Variants in SERPING1 observed in about 807,000 individuals in gnomAD.
SERPING1 encodes serpin family G member 1.
Under a neutral mutation model 34.1 loss-of-function variants are expected in SERPING1, and 5 were observed. The ratio of observed to expected loss-of-function variants is 0.15; its 90% CI spans 0.08 to 0.31. The LOEUF (loss-of-function observed/expected upper bound fraction) is 0.31. Among genes scored for constraint, SERPING1 ranks in the 10% least tolerant of loss-of-function variants. The pLI is 1.00. For synonymous variants in SERPING1, 225 were observed against 242.4 expected (o/e 0.93, Z 0.67); for missense variants, 505 against 609.5 (o/e 0.83, Z 1.81).
chr11:57,602,292 T>G (rs767641287), intron 4 of SERPING1, 123 bp downstream of exon 4: 25 of 1,185,400 alleles, frequency 2.1e-5, no homozygotes, highest in Non-Finnish European at 3.0e-5. Context: ...AGGGATGGAC[T>G]GCAGAGCAGG....
At position 57,600,239 on chromosome 11, in the gene SERPING1, A is replaced by C. The variant is rs574615885; in HGVS notation, c.412A>C (p.Thr138Pro). The C allele has an allele frequency of 1.2e-6, 2 of 1,614,118 alleles. No individual in the cohort carries two copies. Among genetic ancestry groups the C allele is most frequent in the South Asian group, 2.2e-5 (2 of 91,082 alleles). Residue 138 changes from threonine (T) to proline (P), a missense_variant, in exon 3 of 8, where the codon ACA becomes CCA. By Grantham distance (38) the Thr-to-Pro change is conservative (BLOSUM62 -1). Coordinates refer to ENST00000278407, the MANE Select transcript of SERPING1 (RefSeq NM_000062.3). The stretch of plus-strand genomic sequence containing the variant: ...CTGCTCTGACTTGGAGAGTCATTCA[A>C]CAGAGGCCGTGTTGGGGGATGCTTT... The part of the protein sequence containing the change: ...TLCSDLESHS[T>P]EAVLGDALVD...
At position 57,606,531 on chromosome 11, in the gene SERPING1, A is replaced by G; in HGVS notation, c.1013A>G (p.Gln338Arg). The G allele has an allele frequency of 1.2e-6, 2 of 1,614,202 alleles. No homozygotes were observed. The highest frequency in any genetic ancestry group is 2.2e-5 in the South Asian group (2 of 91,086). ...KKYPVAHFID[Q>R]TLKAKVGQLQ... ...TACCCTGTGGCCCATTTCATTGACC[A>G]AACTTTGAAAGCCAAGGTAAGTTCT... Residue 338 changes from glutamine (Q) to arginine (R), a missense_variant, in exon 6 of 8, where the codon CAA becomes CGA. Transcript: ENST00000278407.
chr11:57,607,862 G>C (rs867490994), intron 6 of SERPING1, among the ~76,000 whole-genome samples: 2 of 152,230 alleles, frequency 1.3e-5, no homozygotes, highest in South Asian at 2.1e-4. Context: ...GTTTCACCAT[G>C]TTAGCCAAGC....
Position 57,606,410 on chromosome 11 carries a change from A to G in SERPING1, c.892A>G (p.Lys298Glu), listed in dbSNP as rs751807853. ...ACCCTCCCACCTCTTCCCTCTAGCC[A>G]AGTGGAAGACAACATTTGATCCCAA... is the stretch of plus-strand genomic sequence containing the variant. ...VLLNAIYLSA[K>E]WKTTFDPKKT... The change falls in exon 6 of 8, where the codon AAG becomes GAG. Residue 298 changes from lysine (K) to glutamate (E), a missense_variant and splice_region_variant. By Grantham distance (56) the Lys-to-Glu change is moderately conservative (BLOSUM62 1). Transcript: ENST00000278407. 6.2e-7 allele frequency: 1 copy of G among 1,614,188 alleles called. No homozygotes were observed. The highest frequency in any genetic ancestry group is 8.5e-7 in the Non-Finnish European group (1 of 1,180,026).
intron 4 of SERPING1, chr11:57,605,582 CTT>C (rs35319364): frequency 0.019 from 2,780 of 149,112 alleles, 1 homozygote; most frequent in South Asian, 0.043. Context: ...CTTTCAAGTG[CTT>C]TTTTTTTTTT....
rs755958167 is a variant in SERPING1 at position 57,599,938 on chromosome 11, G to T, written c.111G>T (p.Leu37Phe). The change falls in exon 3 of 8, where the codon TTG becomes TTT. Residue 37 changes from leucine (L) to phenylalanine (F), a missense_variant. Leu to Phe is a conservative substitution (Grantham distance 22). Transcript: ENST00000278407. ...TSSSSQDPES[L>F]QDRGEGKVAT... is the part of the protein sequence containing the mutation. ...CCAGCTCCCAGGATCCAGAGAGTTT[G>T]CAAGACAGAGGCGAAGGGAAGGTCG... 2 of 1,614,208 alleles carry T rather than the reference G, an allele frequency of 1.2e-6. No homozygotes were observed. The highest frequency in any genetic ancestry group is 1.7e-6 in the Non-Finnish European group (2 of 1,180,042).
In SERPING1 at chr11:57,611,884, C is replaced by T; in HGVS notation, c.1197C>T (p.Pro399=). 9.3e-6 allele frequency: 15 copies of T among 1,614,166 alleles called. No homozygotes were observed. Among genetic ancestry groups the T allele is most frequent in the Non-Finnish European group, 1.3e-5 (15 of 1,180,042 alleles). The change falls in exon 7 of 8, where the codon CCC becomes CCT. Residue 399 remains proline (P), a synonymous_variant. Coordinates refer to ENST00000278407, the MANE Select transcript of SERPING1 (RefSeq NM_000062.3). ...SKFQPTLLTL[P]RIKVTTSQDM... ...TCCAGCCCACTCTCCTAACACTACC[C>T]CGCATCAAAGTGACGACCAGCCAGG... is the stretch of plus-strand genomic sequence containing the variant.
intron 7 of SERPING1, among the ~76,000 whole-genome samples, chr11:57,613,679 A>T (rs746427951): frequency 1.3e-5 from 2 of 152,144 alleles, no homozygotes; most frequent in Non-Finnish European, 1.5e-5. Context: ...ACTTTAGGAG[A>T]AGTCATCATG....
intron 6 of SERPING1, among the ~76,000 whole-genome samples, chr11:57,607,372 C>G (rs964959849): frequency 5.3e-5 from 8 of 152,194 alleles, no homozygotes; most frequent in African/African-American, 1.4e-4. Flanking sequence ...ATTAAAGCAG[C>G]CTCCTCCTCA....
intron 4 of SERPING1, among the ~76,000 whole-genome samples, chr11:57,605,389 C>T (rs974887435): frequency 6.6e-6 from 1 of 151,902 alleles, no homozygotes; most frequent in African/African-American, 2.4e-5. Context: ...ACCTCCGTCT[C>T]CCAGATTCAA....
At chr11:57,601,943 C>T in intron 3 of SERPING1, 92 bp from the exon 4 acceptor site, 1 of 1,391,588 alleles carries the variant, frequency 7.2e-7, no homozygotes, top group Non-Finnish European at 1.0e-6. Flanking sequence ...GCAGGGAATA[C>T]CCTCCATTCC....
intron 6 of SERPING1, among the ~76,000 whole-genome samples, chr11:57,607,926 T>C (rs139095413): frequency 0.011 from 1,669 of 152,334 alleles, 18 homozygotes; most frequent in Non-Finnish European, 0.016. Flanking sequence ...CCCAAAGGGC[T>C]GGGATTACAG....
chr11:57,612,880 G>T (rs1385910739), intron 7 of SERPING1, among the ~76,000 whole-genome samples: 1 of 152,094 alleles, frequency 6.6e-6, no homozygotes, highest in Admixed American at 6.6e-5. Flanking sequence ...AAGTAGCTGG[G>T]ATTACAGGCA....
Position 57,600,023 on chromosome 11 carries a change from C to CCGACAACCAACT in SERPING1, c.198_209dup (p.Thr71_Ser74dup). ...ACCCATCCTGGAGGTTTCCAGCTTG[C>CCGACAACCAACT]CGACAACCAACTCAACAACCAATTC... On this transcript the variant is annotated inframe_insertion, in exon 3 of 8. Coordinates refer to ENST00000278407, the MANE Select transcript of SERPING1 (RefSeq NM_000062.3). 1 of 1,614,116 alleles carries CCGACAACCAACT rather than the reference C, an allele frequency of 6.2e-7. No individual in the cohort carries two copies. Among genetic ancestry groups the CCGACAACCAACT allele is most frequent in the Non-Finnish European group, 8.5e-7 (1 of 1,180,022 alleles).
intron 4 of SERPING1, among the ~76,000 whole-genome samples, chr11:57,602,372 G>C (rs945642645): frequency 1.1e-4 from 17 of 152,248 alleles, no homozygotes; most frequent in African/African-American, 4.1e-4. Flanking sequence ...CCTTAGACAA[G>C]TCTCTGGCAT....
At chr11:57,604,347 A>G (rs1945384740) in intron 4 of SERPING1, among the ~76,000 whole-genome samples, 4 of 152,288 alleles carry the variant, frequency 2.6e-5, no homozygotes, top group Middle Eastern at 3.4e-3. Flanking sequence ...TGATAATACT[A>G]ATAATAAACT....
At chr11:57,601,059 C>T (rs1372811737) in intron 3 of SERPING1, among the ~76,000 whole-genome samples, 1 of 151,972 alleles carries the variant, frequency 6.6e-6, no homozygotes, top group African/African-American at 2.4e-5. Context: ...AGCCTTGAGT[C>T]CTCTTGTGTA....
intron 4 of SERPING1, among the ~76,000 whole-genome samples, chr11:57,602,965 G>T (rs539490799): frequency 4.6e-5 from 7 of 151,868 alleles, no homozygotes; most frequent in African/African-American, 1.4e-4. Context: ...GGGCATGGTG[G>T]CTCACACCTG....
chr11:57,603,940 A>C (rs1429660908), intron 4 of SERPING1, among the ~76,000 whole-genome samples: 1 of 151,940 alleles, frequency 6.6e-6, no homozygotes, highest in Non-Finnish European at 1.5e-5. Context: ...ACTTGAGGTC[A>C]GGAGTTCAAG....
Sources: gnomAD v4.1 joint callset for allele counts (sites outside exome capture counted in the v4.1 genomes callset) on GRCh38, gnomAD v4.1.1 for gene constraint, MANE v1.5 for transcripts, NCBI Gene and HGNC (gene_info 2026-07-23, HGNC 2026-07-21) for gene names.